The following BCAT1 variants were observed in gnomAD, a reference collection of about 807,000 sequenced individuals.
BCAT1 encodes branched chain amino acid transaminase 1.
BCAT1 carries 48 observed loss-of-function variants against 52.4 expected under a neutral mutation model. The observed-to-expected ratio is 0.92, with a 90% CI of 0.73 to 1.16. BCAT1 has a LOEUF of 1.16. Among genes scored for constraint, BCAT1 ranks in the 50% most tolerant of loss-of-function variants. The pLI, the probability that BCAT1 is intolerant of heterozygous loss-of-function variation, is 0.00. For missense variants in BCAT1, 451 were observed against 457.1 expected (o/e 0.99, Z 0.12); for synonymous variants, 167 against 161.3 (o/e 1.04, Z -0.27).
rs763541843 is a variant in BCAT1 at position 24,817,960 on chromosome 12, G to A, written c.*48C>T. ...TCAAATGCAACAGTCTGTCCCAGTA[G>A]CATACAGTTGGTATCCTCTATTTTC... On this transcript the variant is annotated 3_prime_UTR_variant, in exon 11 of 11. Transcript: ENST00000261192. 6.4e-7 allele frequency: 1 copy of A among 1,567,606 alleles called. No individual in the cohort carries two copies. The highest frequency in any genetic ancestry group is 2.2e-5 in the East Asian group (1 of 44,610).
chr12:24,909,403 T>G (rs1943279002), intron 1 of BCAT1, among the ~76,000 whole-genome samples: 1 of 152,234 alleles, frequency 6.6e-6, no homozygotes, highest in Non-Finnish European at 1.5e-5. Flanking sequence ...CAAGTCCCAT[T>G]CAACGAAGTA....
At chr12:24,938,863 G>A (rs889616114) in intron 1 of BCAT1, among the ~76,000 whole-genome samples, 2 of 117,926 alleles carry the variant, frequency 1.7e-5, no homozygotes, top group Non-Finnish European at 3.6e-5. Context: ...TATTGCCTTT[G>A]CTATTTATTT....
chr12:24,841,959 T>C (rs1941189022), intron 7 of BCAT1, 123 bp downstream of exon 7: 2 of 1,119,670 alleles, frequency 1.8e-6, no homozygotes, highest in Non-Finnish European at 2.5e-6. Context: ...AAAAGCACAG[T>C]AGTCCTTACT....
intron 5 of BCAT1, among the ~76,000 whole-genome samples, chr12:24,864,429 T>C (rs1232278159): frequency 6.6e-6 from 1 of 152,092 alleles, no homozygotes; most frequent in African/African-American, 2.4e-5. Flanking sequence ...AATGAAGAGC[T>C]CACACCAAGA....
intron 3 of BCAT1, among the ~76,000 whole-genome samples, chr12:24,888,588 C>A (rs1204909103): frequency 2.6e-5 from 4 of 152,188 alleles, no homozygotes; most frequent in African/African-American, 9.7e-5. Context: ...TTGCACAGCC[C>A]TGGGCACATA....
chr12:24,917,195 C>CCT (rs1943425539), intron 1 of BCAT1, among the ~76,000 whole-genome samples: 1 of 103,556 alleles, frequency 9.7e-6, no homozygotes, highest in Non-Finnish European at 1.8e-5. Flanking sequence ...GAGCTTTGGA[C>CCT]TTTTTTTTTT....
chr12:24,944,843 A>G (rs1439913499), intron 1 of BCAT1, among the ~76,000 whole-genome samples: 1 of 151,746 alleles, frequency 6.6e-6, no homozygotes, highest in African/African-American at 2.4e-5. Flanking sequence ...AATTTCCTCT[A>G]TTTTTTTCTT....
intron 5 of BCAT1, among the ~76,000 whole-genome samples, chr12:24,864,351 A>G (rs945191324): frequency 1.3e-5 from 2 of 152,180 alleles, no homozygotes; most frequent in African/African-American, 4.8e-5. Flanking sequence ...AAGGATGCTA[A>G]TATCTGCAAT....
chr12:24,833,509 ACT>A (rs1940778962), intron 8 of BCAT1, among the ~76,000 whole-genome samples: 1 of 152,044 alleles, frequency 6.6e-6, no homozygotes. Context: ...ACGGAGTGAG[ACT>A]CTGTCTCCAA....
intron 3 of BCAT1, among the ~76,000 whole-genome samples, chr12:24,886,584 A>G (rs1246542858): frequency 6.6e-6 from 1 of 152,214 alleles, no homozygotes; most frequent in African/African-American, 2.4e-5. Context: ...ACTTTATGTG[A>G]CATTGCTATT....
chr12:24,946,720 T>G (rs1368974367), intron 1 of BCAT1, among the ~76,000 whole-genome samples: 1 of 152,198 alleles, frequency 6.6e-6, no homozygotes, highest in Non-Finnish European at 1.5e-5. Context: ...TCTGCGCTAT[T>G]TTTCTTTTTT....
At chr12:24,906,858 G>T (rs139501814) in intron 1 of BCAT1, among the ~76,000 whole-genome samples, 3 of 152,030 alleles carry the variant, frequency 2.0e-5, no homozygotes, top group Admixed American at 6.6e-5. Context: ...CATGTTATCC[G>T]CATCCTAGTA....
At chr12:24,905,097 C>T (rs189989386) in intron 1 of BCAT1, among the ~76,000 whole-genome samples, 3 of 152,094 alleles carry the variant, frequency 2.0e-5, no homozygotes, top group Non-Finnish European at 2.9e-5. Context: ...GAACAAAGGG[C>T]CAAAAGAGAG....
At chr12:24,859,610 ACTCGT>A (rs1941793507) in intron 5 of BCAT1, among the ~76,000 whole-genome samples, 1 of 116,160 alleles carries the variant, frequency 8.6e-6, no homozygotes, top group African/African-American at 3.5e-5. Flanking sequence ...ACAGAGCCAG[ACTCGT>A]CTCAAAAAAA....
chr12:24,899,759 C>T (rs1400656108), intron 2 of BCAT1, among the ~76,000 whole-genome samples: 7 of 146,138 alleles, frequency 4.8e-5, no homozygotes, highest in African/African-American at 1.8e-4. Flanking sequence ...TTATGGTAAG[C>T]GAAATAAGCC....
At chr12:24,881,989 A>G (rs959834452) in intron 3 of BCAT1, among the ~76,000 whole-genome samples, 1 of 152,232 alleles carries the variant, frequency 6.6e-6, no homozygotes, top group African/African-American at 2.4e-5. Flanking sequence ...GGGATTTGAA[A>G]AGACTTCAGT....
intron 7 of BCAT1, among the ~76,000 whole-genome samples, chr12:24,837,312 G>T (rs2139415580): frequency 6.6e-6 from 1 of 152,142 alleles, no homozygotes; most frequent in South Asian, 2.1e-4. Flanking sequence ...TGTAGATAGG[G>T]TCTTACTCAG....
At chr12:24,892,278 T>G (rs1942867342) in intron 3 of BCAT1, among the ~76,000 whole-genome samples, 1 of 152,130 alleles carries the variant, frequency 6.6e-6, no homozygotes, top group South Asian at 2.1e-4. Context: ...CCGAAACTGC[T>G]GAAATTACAG....
chr12:24,902,688 C>T, intron 1 of BCAT1: 2 of 543,232 alleles, frequency 3.7e-6, no homozygotes, highest in East Asian at 3.6e-5. Context: ...CGGTCCTCGC[C>T]ACGCTCCGGA....
Sources: gnomAD v4.1 joint callset for allele counts (sites outside exome capture counted in the v4.1 genomes callset) on GRCh38, gnomAD v4.1.1 for gene constraint, MANE v1.5 for transcripts, NCBI Gene and HGNC (gene_info 2026-07-23, HGNC 2026-07-21) for gene names.